The following OAS1 variants were observed in gnomAD, a reference collection of about 807,000 sequenced individuals.
OAS1 encodes the protein 2'-5'-oligoadenylate synthase 1.
In OAS1, 24 loss-of-function variants were observed where a neutral mutation model predicts 38.5. The observed-to-expected ratio is 0.62, with a 90% CI of 0.45 to 0.88. The LOEUF (loss-of-function observed/expected upper bound fraction) is 0.88. Ranked by LOEUF, OAS1 falls within the 40% of genes least tolerant of loss-of-function variation. The pLI is 0.00. For missense variants in OAS1, 482 were observed against 493.9 expected (o/e 0.98, Z 0.23); for synonymous variants, 169 against 193.9 (o/e 0.87, Z 1.07).
chr12:112,913,334 G>T (rs759239835), intron 3 of OAS1, among the ~76,000 whole-genome samples: 11 of 152,168 alleles, frequency 7.2e-5, no homozygotes, highest in Non-Finnish European at 1.0e-4. Flanking sequence ...TTAATGATGG[G>T]TTCCTATTGT....
At chr12:112,915,486 T>A (rs1763085082) in intron 3 of OAS1, among the ~76,000 whole-genome samples, 2 of 152,212 alleles carry the variant, frequency 1.3e-5, no homozygotes, top group South Asian at 4.1e-4. Flanking sequence ...ACGTGACTAT[T>A]TTTATACCAG....
intron 2 of OAS1, among the ~76,000 whole-genome samples, chr12:112,910,350 A>G (rs1376299187): frequency 6.6e-6 from 1 of 152,192 alleles, no homozygotes; most frequent in Non-Finnish European, 1.5e-5. Context: ...CCTGGGCAAC[A>G]GAGTGAGACT....
chr12:112,907,248 G>C, intron 1 of OAS1, 29 bp downstream of exon 1: 1 of 1,608,552 alleles, frequency 6.2e-7, no homozygotes. Flanking sequence ...GGCCAGGGGA[G>C]GGGTGGCTGA....
rs1399216797 is a variant in OAS1, at chr12:112,917,690, G to A, written c.1028G>A (p.Trp343Ter). The A allele has an allele frequency of 6.2e-7, 1 of 1,614,142 alleles. No homozygotes were observed. Among genetic ancestry groups the A allele is most frequent in the Admixed American group, 1.7e-5 (1 of 60,018 alleles). ...KNWDGSPVSS[W>*]ILLAESNSAD... ...TGGGATGGGTCCCCAGTGAGCTCCTGGATTCTGCTGGTGAGACCTCCTGCT... is the reference window on the plus strand; with the variant it reads ...TGGGATGGGTCCCCAGTGAGCTCCTAGATTCTGCTGGTGAGACCTCCTGCT... Residue 343 changes from tryptophan (W) to a stop codon, truncating the protein, a stop_gained, in exon 5 of 6, where the codon TGG becomes TAG. Coordinates refer to ENST00000202917, the MANE Select transcript of OAS1 (RefSeq NM_016816.4). LOFTEE classifies it low-confidence loss of function (END_TRUNC).
At chr12:112,924,417 A>G (rs1045378867), downstream of OAS1, among the ~76,000 whole-genome samples, 2 of 151,984 alleles carry the variant, frequency 1.3e-5, no homozygotes, top group African/African-American at 4.8e-5. Flanking sequence ...ATGGGGAGGC[A>G]TTTGATTAGA....
In OAS1 at chr12:112,907,082, T is replaced by C; in HGVS notation, c.43T>C (p.Phe15Leu). 1 of 1,614,210 alleles carries C rather than the reference T, an allele frequency of 6.2e-7. No individual in the cohort carries two copies. Among genetic ancestry groups the C allele is most frequent in the Non-Finnish European group, 8.5e-7 (1 of 1,180,038 alleles). Residue 15 changes from phenylalanine to leucine, a missense_variant, in exon 1 of 6, where the codon TTC becomes CTC. Coordinates refer to ENST00000202917, the MANE Select transcript of OAS1 (RefSeq NM_016816.4). ...TACCCCAGCCAAATCTCTGGACAAGTTCATTGAAGACTATCTCTTGCCAGA... is the reference window on the plus strand; with the variant it reads ...TACCCCAGCCAAATCTCTGGACAAGCTCATTGAAGACTATCTCTTGCCAGA... ...RNTPAKSLDK[F>L]IEDYLLPDTC...
chr12:112,916,565 C>G lies in OAS1; in HGVS notation c.711C>G (p.Val237=). The change falls in exon 4 of 6, where the codon GTC becomes GTG. Residue 237 remains valine, a synonymous_variant. Transcript: ENST00000202917. ...AGTATGCCCTGGAGCTCCTGACGGT[C>G]TATGCTTGGGAGCGAGGGAGCATGA... The part of the protein sequence containing the change: ...PPQYALELLT[V]YAWERGSMKT... 6.2e-7 allele frequency: 1 copy of G among 1,614,134 alleles called. No homozygotes were observed. Among genetic ancestry groups the G allele is most frequent in the South Asian group, 1.1e-5 (1 of 91,072 alleles).
At chr12:112,917,315 G>A (rs2043474641) in intron 4 of OAS1, among the ~76,000 whole-genome samples, 1 of 152,140 alleles carries the variant, frequency 6.6e-6, no homozygotes, top group Non-Finnish European at 1.5e-5. Context: ...ACTGATAAAG[G>A]GCAGAGGTGG....
chr12:112,907,226 C>G lies in OAS1; in HGVS notation c.180+7C>G. ...TGTGTCCAAGGTGGTAAAGGTGAGTCCAGGCCTGCCTGGCCAGGGGAGGGG... is the reference window on the plus strand; with the variant it reads ...TGTGTCCAAGGTGGTAAAGGTGAGTGCAGGCCTGCCTGGCCAGGGGAGGGG... On this transcript the variant is annotated splice_region_variant and intron_variant, in intron 1 of 5. Coordinates refer to ENST00000202917, the MANE Select transcript of OAS1 (RefSeq NM_016816.4). The G allele has an allele frequency of 6.2e-7, 1 of 1,612,790 alleles. No homozygotes were observed. Among genetic ancestry groups the G allele is most frequent in the Non-Finnish European group, 8.5e-7 (1 of 1,178,930 alleles).
At chr12:112,927,439 C>T (rs1290847711) in intron 6 of OAS1, among the ~76,000 whole-genome samples, 1 of 152,128 alleles carries the variant, frequency 6.6e-6, no homozygotes, top group Non-Finnish European at 1.5e-5. Flanking sequence ...AGAAGTGCCT[C>T]CCTCCCTATT....
At chr12:112,922,000 C>T (rs557152305), downstream of OAS1, among the ~76,000 whole-genome samples, 2 of 152,170 alleles carry the variant, frequency 1.3e-5, no homozygotes, top group Non-Finnish European at 2.9e-5. Flanking sequence ...AAATGACAAG[C>T]CTGACTTGGC....
chr12:112,910,943 G>C lies in OAS1; in HGVS notation c.470-108G>C, dbSNP rs10850091. 0.015 allele frequency: 15,827 copies of C among 1,024,982 alleles called. 1,263 individuals carry two copies. The African/African-American group carries it at 0.19, about 12-fold the overall frequency. The allele number at this position is 1,024,982 out of a possible 1,614,324, so 63.5% of individuals were successfully genotyped here. A position where few individuals can be genotyped will look rare whatever the true frequency, so the allele number is the denominator to read the frequency against. On this transcript the variant is annotated intron_variant, in intron 2 of 5. Transcript: ENST00000202917. The stretch of plus-strand genomic sequence containing the variant: ...CTCAAGACTTCCCAGCCCTGGGTCT[G>C]CTGCACTTTTCAATCAAACCCCATG...
intron 3 of OAS1, among the ~76,000 whole-genome samples, chr12:112,913,364 G>A (rs767256418): frequency 8.5e-5 from 13 of 152,270 alleles, no homozygotes; most frequent in South Asian, 2.1e-4. Flanking sequence ...TTGGGATTCC[G>A]TTAAGATTCC....
intron 3 of OAS1, among the ~76,000 whole-genome samples, chr12:112,915,785 A>G (rs1276780840): frequency 6.6e-6 from 1 of 152,120 alleles, no homozygotes; most frequent in Non-Finnish European, 1.5e-5. Context: ...TGTGTCATCT[A>G]TGATTTTCTT....
In OAS1 at chr12:112,919,632, A is replaced by G. The variant is rs754565362; in HGVS notation, c.*79A>G. On this transcript the variant is annotated 3_prime_UTR_variant, in exon 6 of 6. Coordinates refer to ENST00000202917, the MANE Select transcript of OAS1 (RefSeq NM_016816.4). ...CATTTTCAGGTGGGACTCTTGATCC[A>G]GAGAGGACAAAGCTCCTCAGTGAGC... 1.9e-6 allele frequency: 3 copies of G among 1,610,340 alleles called. No homozygotes were observed. Among genetic ancestry groups the G allele is most frequent in the East Asian group, 2.2e-5 (1 of 44,718 alleles).
intron 6 of OAS1, among the ~76,000 whole-genome samples, chr12:112,928,759 A>T (rs2043577712): frequency 6.6e-6 from 1 of 152,250 alleles, no homozygotes. Context: ...AAACTCAAGG[A>T]CTTGGGAAGT....
downstream of OAS1, chr12:112,933,089 C>T (rs2043607598): frequency 6.6e-6 from 1 of 152,238 alleles, no homozygotes; most frequent in Non-Finnish European, 1.5e-5. Flanking sequence ...GGCATCAGCT[C>T]CTGGAAGAAC....
chr12:112,926,012 G>A (rs781740488), intron 6 of OAS1, among the ~76,000 whole-genome samples: 22 of 152,312 alleles, frequency 1.4e-4, no homozygotes, highest in Non-Finnish European at 2.9e-4. Flanking sequence ...GCAAAGATGA[G>A]CAAGAGACTC....
intron 6 of OAS1, among the ~76,000 whole-genome samples, chr12:112,930,900 C>T (rs1675192392): frequency 6.6e-6 from 1 of 152,240 alleles, no homozygotes; most frequent in South Asian, 2.1e-4. Flanking sequence ...TTTCTCTCTT[C>T]TCTAACACAC....
Sources: allele counts gnomAD v4.1 joint callset (sites outside exome capture counted in the v4.1 genomes callset), GRCh38; gene constraint gnomAD v4.1.1; transcripts MANE v1.5; gene names NCBI Gene and HGNC (gene_info 2026-07-23, HGNC 2026-07-21).